The following CNTN5 variants were observed in gnomAD, a reference collection of about 807,000 sequenced individuals.
CNTN5 encodes contactin-5.
A neutral mutation model predicts 129.1 loss-of-function variants in CNTN5; 77 were observed. The ratio of observed to expected loss-of-function variants is 0.60; its 90% CI spans 0.50 to 0.72. The LOEUF (loss-of-function observed/expected upper bound fraction) is 0.72. CNTN5 is among the 30% of genes least tolerant of loss of function. The pLI is 0.00. For synonymous variants in CNTN5, 509 were observed against 465.6 expected (o/e 1.09, Z -1.20); for missense variants, 1,478 against 1,328.8 (o/e 1.11, Z -1.75).
At chr11:99,666,752 G>A (rs1397757495) in intron 3 of CNTN5, among the ~76,000 whole-genome samples, 1 of 152,124 alleles carries the variant, frequency 6.6e-6, no homozygotes, top group Non-Finnish European at 1.5e-5. Flanking sequence ...AGAAACCAGG[G>A]CATGACTGGG....
chr11:99,840,102 T>A (rs764205831), intron 4 of CNTN5, among the ~76,000 whole-genome samples: 2 of 152,096 alleles, frequency 1.3e-5, no homozygotes, highest in Non-Finnish European at 2.9e-5. Context: ...ATCTGGTCAC[T>A]TAAAAATGAT....
chr11:99,852,801 T>A (rs1947914070), intron 6 of CNTN5, among the ~76,000 whole-genome samples: 2 of 152,190 alleles, frequency 1.3e-5, no homozygotes, highest in South Asian at 4.1e-4. Flanking sequence ...TCAGGGACTG[T>A]ATACATCTTC....
chr11:100,157,236 A>G (rs1947276935), intron 13 of CNTN5, among the ~76,000 whole-genome samples: 1 of 151,964 alleles, frequency 6.6e-6, no homozygotes, highest in African/African-American at 2.4e-5. Flanking sequence ...AAAAAATCAC[A>G]TACAATTGCA....
chr11:99,715,274 T>C (rs188535119), intron 3 of CNTN5, among the ~76,000 whole-genome samples: 1 of 151,900 alleles, frequency 6.6e-6, no homozygotes, highest in Non-Finnish European at 1.5e-5. Flanking sequence ...CTTATTTTTT[T>C]AAGACATTTT....
At chr11:99,639,171 C>A (rs1379826885) in intron 3 of CNTN5, among the ~76,000 whole-genome samples, 1 of 152,234 alleles carries the variant, frequency 6.6e-6, no homozygotes, top group African/African-American at 2.4e-5. Flanking sequence ...CTTCCACCCT[C>A]TGAAGCCACA....
intron 9 of CNTN5, among the ~76,000 whole-genome samples, chr11:100,031,421 T>A (rs1941701471): frequency 6.6e-6 from 1 of 152,092 alleles, no homozygotes; most frequent in African/African-American, 2.4e-5. Flanking sequence ...CAGATGTTCA[T>A]ACATCTGGGA....
At chr11:99,563,842 T>G (rs1445326503) in intron 3 of CNTN5, among the ~76,000 whole-genome samples, 1 of 152,178 alleles carries the variant, frequency 6.6e-6, no homozygotes, top group Non-Finnish European at 1.5e-5. Context: ...TACAAGCACT[T>G]TTCATGCCTC....
At chr11:100,340,979 T>A (rs1952146146) in intron 22 of CNTN5, 114 bp from the exon 23 acceptor site, 2 of 781,332 alleles carry the variant, frequency 2.6e-6, no homozygotes, top group South Asian at 3.4e-5. Context: ...GAAGGAAGCC[T>A]AGATTGCCAG....
intron 4 of CNTN5, among the ~76,000 whole-genome samples, chr11:99,822,227 A>T (rs371346697): frequency 2.0e-5 from 3 of 152,306 alleles, no homozygotes; most frequent in African/African-American, 7.2e-5. Flanking sequence ...CTCAGCTTAC[A>T]GAGCAATTTG....
chr11:99,787,010 G>A (rs547366526), intron 3 of CNTN5, among the ~76,000 whole-genome samples: 7 of 152,000 alleles, frequency 4.6e-5, no homozygotes, highest in Admixed American at 1.3e-4. Flanking sequence ...TTTCTGATTC[G>A]GTGATTATTG....
At chr11:99,065,119 A>G (rs1192882656) in intron 1 of CNTN5, among the ~76,000 whole-genome samples, 1 of 152,024 alleles carries the variant, frequency 6.6e-6, no homozygotes, top group Non-Finnish European at 1.5e-5. Flanking sequence ...GATGATACCA[A>G]TGTAAAAGCA....
chr11:100,032,592 G>T (rs987085235), intron 9 of CNTN5, among the ~76,000 whole-genome samples: 2 of 152,006 alleles, frequency 1.3e-5, no homozygotes. Context: ...TTTTATACCA[G>T]TGCACCAAAA....
At chr11:99,813,412 A>G (rs896028583) in intron 3 of CNTN5, among the ~76,000 whole-genome samples, 3 of 152,182 alleles carry the variant, frequency 2.0e-5, no homozygotes, top group African/African-American at 7.2e-5. Flanking sequence ...GGTCTATCTT[A>G]GAAGACACCT....
intron 3 of CNTN5, among the ~76,000 whole-genome samples, chr11:99,650,922 G>C (rs1470508890): frequency 6.6e-6 from 1 of 151,852 alleles, no homozygotes; most frequent in Non-Finnish European, 1.5e-5. Context: ...GTTCAATAAT[G>C]TTCTTATCTA....
At chr11:100,212,777 A>G (rs1021990066) in intron 15 of CNTN5, among the ~76,000 whole-genome samples, 12 of 152,116 alleles carry the variant, frequency 7.9e-5, no homozygotes, top group Admixed American at 7.2e-4. Context: ...CTCCAGATAT[A>G]ATGTCCAATA....
At chr11:99,474,552 T>G (rs2135286950) in intron 2 of CNTN5, among the ~76,000 whole-genome samples, 1 of 152,262 alleles carries the variant, frequency 6.6e-6, no homozygotes, top group South Asian at 2.1e-4. Flanking sequence ...ACAATTTATT[T>G]TATTTATTTT....
chr11:99,082,810 A>G (rs764417387), intron 1 of CNTN5, among the ~76,000 whole-genome samples: 8 of 152,212 alleles, frequency 5.3e-5, no homozygotes, highest in African/African-American at 9.6e-5. Context: ...AGTTTCAAAT[A>G]CAATGATATA....
chr11:99,030,784 T>TA, intron 1 of CNTN5, among the ~76,000 whole-genome samples: 1 of 146,702 alleles, frequency 6.8e-6, no homozygotes, highest in East Asian at 2.0e-4. Context: ...AACTCTCTTT[T>TA]TTTTTTTTTT....
At chr11:99,807,723 C>A (rs1356926143) in intron 3 of CNTN5, among the ~76,000 whole-genome samples, 5 of 152,142 alleles carry the variant, frequency 3.3e-5, no homozygotes, top group African/African-American at 1.2e-4. Context: ...CGTGTACAAA[C>A]TGATTCCAGT....
Sources: allele counts gnomAD v4.1 joint callset (sites outside exome capture counted in the v4.1 genomes callset), GRCh38; gene constraint gnomAD v4.1.1; transcripts MANE v1.5; gene names NCBI Gene and HGNC (gene_info 2026-07-23, HGNC 2026-07-21).